SORCS1: variants seen among roughly 807,000 people sequenced by gnomAD.
The protein encoded by SORCS1 is sortilin related VPS10 domain containing receptor 1.
SORCS1 carries 60 observed loss-of-function variants against 146.1 expected under a neutral mutation model. The ratio of observed to expected loss-of-function variants is 0.41; its 90% CI spans 0.33 to 0.51. The LOEUF (loss-of-function observed/expected upper bound fraction) is 0.51, where lower values mean the gene tolerates loss of function less well. Among genes scored for constraint, SORCS1 ranks in the 20% least tolerant of loss-of-function variants. The pLI, the probability that SORCS1 is intolerant of heterozygous loss-of-function variation, is 0.21. For synonymous variants in SORCS1, 637 were observed against 584.0 expected, an observed-to-expected ratio of 1.09 and a Z score of -1.31; for missense variants, 1,352 against 1,487.6, an observed-to-expected ratio of 0.91 and a Z score of 1.50.
intron 1 of SORCS1, among the ~76,000 whole-genome samples, chr10:107,109,006 G>T (rs1389350049): frequency 2.0e-5 from 3 of 152,202 alleles, no homozygotes; most frequent in Non-Finnish European, 4.4e-5. Context: ...ATCCATGGGG[G>T]TGATGGTGCA....
intron 2 of SORCS1, among the ~76,000 whole-genome samples, chr10:106,863,332 C>T (rs1249703131): frequency 2.0e-5 from 3 of 152,108 alleles, no homozygotes; most frequent in African/African-American, 7.2e-5. Flanking sequence ...CAAGACCAGC[C>T]TGGCCAACAT....
chr10:106,869,258 A>T (rs1257706059), intron 2 of SORCS1, among the ~76,000 whole-genome samples: 2 of 152,226 alleles, frequency 1.3e-5, no homozygotes, highest in African/African-American at 4.8e-5. Flanking sequence ...ATTCTACCAG[A>T]TATACAAGTA....
chr10:107,149,376 TA>T (rs148369591), intron 1 of SORCS1, among the ~76,000 whole-genome samples: 129 of 151,746 alleles, frequency 8.5e-4, no homozygotes, highest in African/African-American at 2.9e-3. Flanking sequence ...CTTACTGCTG[TA>T]AAAAAAAATC....
intron 2 of SORCS1, among the ~76,000 whole-genome samples, chr10:106,843,779 T>C (rs1202170596): frequency 6.6e-6 from 1 of 152,204 alleles, no homozygotes; most frequent in Admixed American, 6.5e-5. Context: ...ACTGTATATA[T>C]AATACATTTT....
At chr10:107,002,280 T>C (rs1038011027) in intron 1 of SORCS1, among the ~76,000 whole-genome samples, 1 of 152,240 alleles carries the variant, frequency 6.6e-6, no homozygotes, top group African/African-American at 2.4e-5. Flanking sequence ...GCCAAACTAA[T>C]ATCTCTCTCA....
the SORCS1 span, among the ~76,000 whole-genome samples, chr10:107,171,415 A>G: frequency 6.6e-6 from 1 of 152,176 alleles, no homozygotes; most frequent in Admixed American, 6.5e-5. Flanking sequence ...CTAGGACATC[A>G]ACAGTAGATT....
chr10:107,019,987 T>C (rs1029503166), intron 1 of SORCS1, among the ~76,000 whole-genome samples: 5 of 152,144 alleles, frequency 3.3e-5, no homozygotes, highest in East Asian at 1.9e-4. Flanking sequence ...TTAGAAGCAA[T>C]GAAATCATTA....
At chr10:107,168,772 G>A (rs1282664732), upstream of SORCS1, among the ~76,000 whole-genome samples, 1 of 149,720 alleles carries the variant, frequency 6.7e-6, no homozygotes, top group Non-Finnish European at 1.5e-5. Context: ...AGCAATTAGT[G>A]CAAAGAGACA....
chr10:106,745,185 G>A (rs540302460), intron 5 of SORCS1, among the ~76,000 whole-genome samples: 196 of 152,118 alleles, frequency 1.3e-3, no homozygotes, highest in Admixed American at 1.3e-3. Flanking sequence ...TTGGGAGGCC[G>A]GGCAGACCAA....
At chr10:106,762,589 G>A (rs1162020429) in intron 4 of SORCS1, among the ~76,000 whole-genome samples, 18 of 151,208 alleles carry the variant, frequency 1.2e-4, no homozygotes, top group Admixed American at 6.6e-5. Flanking sequence ...AGTAGAGATG[G>A]GGTTTCACCA....
intron 2 of SORCS1, among the ~76,000 whole-genome samples, chr10:106,838,194 G>C (rs1589516926): frequency 6.6e-6 from 1 of 152,218 alleles, no homozygotes; most frequent in African/African-American, 2.4e-5. Flanking sequence ...CCTGCTGTTA[G>C]AAGATAAAAT....
At chr10:106,746,676 T>C (rs2136146466) in intron 5 of SORCS1, among the ~76,000 whole-genome samples, 1 of 152,360 alleles carries the variant, frequency 6.6e-6, no homozygotes, top group Admixed American at 6.5e-5. Context: ...TAGAAAACAA[T>C]GCTGACAGCC....
At chr10:106,980,480 C>G (rs1057041220) in intron 1 of SORCS1, among the ~76,000 whole-genome samples, 10 of 152,174 alleles carry the variant, frequency 6.6e-5, no homozygotes, top group African/African-American at 2.4e-4. Context: ...TCAGTCCCTG[C>G]CTGTTTCAAA....
chr10:106,709,413 G>A, intron 6 of SORCS1, 72 bp from the exon 7 acceptor site: 1 of 832,192 alleles, frequency 1.2e-6, no homozygotes, highest in Non-Finnish European at 1.9e-6. Flanking sequence ...CAGTCAGGGT[G>A]GACGTTTGAT....
At chr10:107,094,781 TTGG>T (rs1451841836) in intron 1 of SORCS1, among the ~76,000 whole-genome samples, 1 of 152,348 alleles carries the variant, frequency 6.6e-6, no homozygotes, top group East Asian at 1.9e-4. Context: ...AGCATTTGAC[TTGG>T]TGGGAGGACC....
At chr10:107,128,355 G>T (rs187764191) in intron 1 of SORCS1, among the ~76,000 whole-genome samples, 39 of 152,304 alleles carry the variant, frequency 2.6e-4, no homozygotes, top group African/African-American at 8.9e-4. Flanking sequence ...CTCACAGTTA[G>T]GGAAGTTGCA....
chr10:106,734,247 T>G (rs925361340), intron 5 of SORCS1, among the ~76,000 whole-genome samples: 1 of 152,176 alleles, frequency 6.6e-6, no homozygotes, highest in Non-Finnish European at 1.5e-5. Flanking sequence ...AAGGGAGTCT[T>G]TCTGTGTACA....
intron 1 of SORCS1, among the ~76,000 whole-genome samples, chr10:106,994,047 G>C (rs1037032391): frequency 1.2e-4 from 13 of 112,750 alleles, no homozygotes; most frequent in Non-Finnish European, 1.9e-4. Context: ...CTGGGTGACA[G>C]AGCAAGACCC....
chr10:107,053,043 AT>A (rs1294731240), intron 1 of SORCS1, among the ~76,000 whole-genome samples: 1 of 152,178 alleles, frequency 6.6e-6, no homozygotes, highest in Non-Finnish European at 1.5e-5. Context: ...CCATGAGTCA[AT>A]GATATATCTA....
Sources: gnomAD v4.1 joint callset for allele counts (sites outside exome capture counted in the v4.1 genomes callset) on GRCh38, gnomAD v4.1.1 for gene constraint, MANE v1.5 for transcripts, NCBI Gene and HGNC (gene_info 2026-07-23, HGNC 2026-07-21) for gene names.